Variants in COL3A1 observed in about 807,000 individuals in gnomAD.
COL3A1 encodes collagen type III alpha 1 chain.
In COL3A1, 46 loss-of-function variants were observed where a neutral mutation model predicts 200.9. That is an observed-to-expected ratio of 0.23 (90% CI 0.18 to 0.29). The LOEUF (loss-of-function observed/expected upper bound fraction) is 0.29, where lower values mean the gene tolerates loss of function less well. Ranked by LOEUF, COL3A1 falls within the 10% of genes least tolerant of loss-of-function variation. COL3A1 has a pLI of 1.00. For missense variants in COL3A1, 1,367 were observed against 1,917.6 expected, an observed-to-expected ratio of 0.71 and a Z score of 5.36; for synonymous variants, 650 against 628.0, an observed-to-expected ratio of 1.03 and a Z score of -0.52.
intron 35 of COL3A1, 39 bp downstream of exon 35, chr2:189,002,390 AG>A: frequency 6.3e-7 from 1 of 1,579,716 alleles, no homozygotes; most frequent in Non-Finnish European, 8.7e-7. Flanking sequence ...CCCATAGCCC[AG>A]GATCTCTATC....
chr2:188,993,813 A>T (rs1688238347), intron 16 of COL3A1, among the ~76,000 whole-genome samples: 1 of 152,208 alleles, frequency 6.6e-6, no homozygotes, highest in Non-Finnish European at 1.5e-5. Context: ...TCTTCTATTT[A>T]TGTATCATTT....
chr2:188,990,944 T>C (rs1688174900), intron 10 of COL3A1, 60 bp from the exon 11 acceptor site: 1 of 1,526,224 alleles, frequency 6.6e-7, no homozygotes. Context: ...GTAAACTTTA[T>C]CAATCATTCT....
chr2:188,978,837 AT>A (rs1375909537), intron 1 of COL3A1, among the ~76,000 whole-genome samples: 1 of 151,506 alleles, frequency 6.6e-6, no homozygotes, highest in East Asian at 1.9e-4. Context: ...TGCCTGTTTC[AT>A]GTCAAGATGA....
At chr2:189,001,730 C>A in intron 34 of COL3A1, 141 bp downstream of exon 34, 2 of 797,294 alleles carry the variant, frequency 2.5e-6, no homozygotes, top group Non-Finnish European at 2.1e-6. Flanking sequence ...TATAAGGAAC[C>A]ATATAGCATG....
chr2:189,011,319 T>G (rs1376616326), intron 50 of COL3A1, among the ~76,000 whole-genome samples: 1 of 152,212 alleles, frequency 6.6e-6, no homozygotes, highest in East Asian at 1.9e-4. Context: ...GAGAGACCTA[T>G]CCTCTTTTTA....
At chr2:188,976,887 A>G (rs1878201) in intron 1 of COL3A1, among the ~76,000 whole-genome samples, 38,973 of 152,146 alleles carry the variant, frequency 0.26, 5,198 homozygotes, top group Middle Eastern at 0.37. Flanking sequence ...CCAGGTTACC[A>G]TTTACATAAC....
chr2:188,992,602 T>G (rs1195263548), intron 14 of COL3A1, among the ~76,000 whole-genome samples: 2 of 152,098 alleles, frequency 1.3e-5, no homozygotes, highest in African/African-American at 4.8e-5. Context: ...AAAATAGATG[T>G]TACCTCCATT....
At chr2:188,991,420 G>T in intron 11 of COL3A1, 67 bp from the exon 12 acceptor site, 1 of 1,026,952 alleles carries the variant, frequency 9.7e-7, no homozygotes, top group Non-Finnish European at 1.4e-6. Context: ...ATAATATTCT[G>T]TATTTAAAAA....
intron 6 of COL3A1, among the ~76,000 whole-genome samples, 194 bp downstream of exon 6, chr2:188,988,328 G>C (rs41272805): frequency 6.6e-6 from 1 of 152,066 alleles, no homozygotes; most frequent in African/African-American, 2.4e-5. Context: ...ATTAGCAATT[G>C]AAATCTTGGT....
At chr2:188,990,277 C>T in intron 9 of COL3A1, 30 bp from the exon 10 acceptor site, 1 of 1,603,282 alleles carries the variant, frequency 6.2e-7, no homozygotes, top group African/African-American at 1.3e-5. Flanking sequence ...TTTGAAGGTT[C>T]ATTAATATTT....
chr2:188,990,377 A>C lies in COL3A1; in HGVS notation c.798+17A>C, dbSNP rs768123544. ...GGACACAGAGTAAGTAGAGTTTCTAAGTTGTTTACAAGGTATTCCACTGGG... is the reference window on the plus strand; with the variant it reads ...GGACACAGAGTAAGTAGAGTTTCTACGTTGTTTACAAGGTATTCCACTGGG... On this transcript the variant is annotated intron_variant, in intron 10 of 50. Coordinates refer to ENST00000304636, the MANE Select transcript of COL3A1 (RefSeq NM_000090.4). The C allele has an allele frequency of 6.2e-7, 1 of 1,609,704 alleles. No individual in the cohort carries two copies. Among genetic ancestry groups the C allele is most frequent in the African/African-American group, 1.3e-5 (1 of 74,840 alleles).
chr2:189,007,389 A>AT (rs1027306929), intron 44 of COL3A1, 111 bp from the exon 45 acceptor site: 7 of 871,442 alleles, frequency 8.0e-6, no homozygotes, highest in South Asian at 1.8e-5. Context: ...TTGATGGGGG[A>AT]TTTTTTAGCT....
chr2:188,975,594 G>C (rs1471110522), intron 1 of COL3A1, among the ~76,000 whole-genome samples: 4 of 152,080 alleles, frequency 2.6e-5, no homozygotes, highest in African/African-American at 7.2e-5. Flanking sequence ...TAAACATATA[G>C]ATTTTGCAAA....
At chr2:189,002,391 G>A in intron 35 of COL3A1, 40 bp downstream of exon 35, 2 of 1,578,152 alleles carry the variant, frequency 1.3e-6, no homozygotes, top group East Asian at 2.2e-5. Context: ...CCATAGCCCA[G>A]GATCTCTATC....
chr2:188,975,545 A>G (rs1268857374), intron 1 of COL3A1, among the ~76,000 whole-genome samples: 1 of 152,236 alleles, frequency 6.6e-6, no homozygotes, highest in African/African-American at 2.4e-5. Context: ...AGAAATTATT[A>G]GACAATTTTT....
rs1688501976 is a variant in COL3A1 at position 189,003,022 on chromosome 2, C to T, written c.2513C>T (p.Pro838Leu). Residue 838 changes from proline to leucine, a missense_variant, in exon 36 of 51, where the codon CCT becomes CTT. Physicochemically the swap from Pro to Leu is moderately conservative, Grantham distance 98 (BLOSUM62 -3). Around this residue, in one of 5 missense-constraint regions of COL3A1, gnomAD observed 846 missense variants for 1,147.9 expected, o/e 0.74. Transcript: ENST00000304636. ...GAPGEKGEGG[P>L]PGVAGPPGGS... ...CCGGGTGAGAAAGGTGAAGGAGGCC[C>T]TCCTGGAGTTGCAGGACCCCCTGGA... is the stretch of plus-strand genomic sequence containing the variant. The T allele has an allele frequency of 3.2e-6, 5 of 1,551,594 alleles. No homozygotes were observed. The highest frequency in any genetic ancestry group is 3.5e-6 in the Non-Finnish European group (4 of 1,146,972).
chr2:188,976,147 A>T (rs1218102976), intron 1 of COL3A1, among the ~76,000 whole-genome samples: 1 of 151,930 alleles, frequency 6.6e-6, no homozygotes, highest in Non-Finnish European at 1.5e-5. Context: ...AATGACTACT[A>T]TCCCCCACCA....
At position 189,010,213 on chromosome 2, in the gene COL3A1, T is replaced by C. The variant is rs770201950; in HGVS notation, c.3859T>C (p.Leu1287=). Residue 1287 remains leucine, a synonymous_variant, in exon 49 of 51, where the codon TTG becomes CTG. Coordinates refer to ENST00000304636, the MANE Select transcript of COL3A1 (RefSeq NM_000090.4). ...GGTTGACCCTAACCAAGGATGCAAA[T>C]TGGATGCTATCAAGGTATTCTGTAA... ...YWVDPNQGCK[L]DAIKVFCNME... The C allele has an allele frequency of 1.9e-5, 30 of 1,614,026 alleles. No homozygotes were observed. The highest frequency in any genetic ancestry group is 8.3e-5 in the Admixed American group (5 of 60,006).
At position 188,994,199 on chromosome 2, in the gene COL3A1, G is replaced by A. The variant is rs767792133; in HGVS notation, c.1195-35G>A. 3.5e-5 allele frequency: 56 copies of A among 1,612,228 alleles called. No homozygotes were observed. The highest frequency in any genetic ancestry group is 4.7e-5 in the Non-Finnish European group (55 of 1,178,394). On this transcript the variant is annotated intron_variant, in intron 17 of 50. Transcript: ENST00000304636. The surrounding 1 kb of genome is among the most constrained non-coding windows in gnomAD (Gnocchi z 4.5). Reference sequence around the variant, plus strand: ...GAGATATTCATAAAAGAACATTCAAGTTCGGCTAATATAGTGTCTTTGGTT... The same window carrying A: ...GAGATATTCATAAAAGAACATTCAAATTCGGCTAATATAGTGTCTTTGGTT...
Sources: allele counts gnomAD v4.1 joint callset (sites outside exome capture counted in the v4.1 genomes callset), GRCh38; gene constraint gnomAD v4.1.1; regional missense constraint gnomAD v4.1.1; non-coding constraint Gnocchi (gnomAD v3.1); transcripts MANE v1.5; gene names NCBI Gene and HGNC (gene_info 2026-07-23, HGNC 2026-07-21).